ATPAF1: variants seen among roughly 807,000 people sequenced by gnomAD.
The protein encoded by ATPAF1 is ATP synthase mitochondrial F1 complex assembly factor 1.
In ATPAF1, 26 loss-of-function variants were observed where a neutral mutation model predicts 43.9. The ratio of observed to expected loss-of-function variants is 0.59; its 90% CI spans 0.43 to 0.82. ATPAF1 has a LOEUF of 0.82. Among genes scored for constraint, ATPAF1 ranks in the 40% least tolerant of loss-of-function variants. The pLI, the probability that ATPAF1 is intolerant of heterozygous loss-of-function variation, is 0.00. For synonymous variants in ATPAF1, 157 were observed against 168.0 expected, an observed-to-expected ratio of 0.93 and a Z score of 0.50; for missense variants, 366 against 435.0, an observed-to-expected ratio of 0.84 and a Z score of 1.41.
At chr1:46,650,012 T>TAAATA (rs1676133989) in intron 6 of ATPAF1, among the ~76,000 whole-genome samples, 1 of 152,154 alleles carries the variant, frequency 6.6e-6, no homozygotes, top group Non-Finnish European at 1.5e-5. Context: ...TTAGGTATTC[T>TAAATA]CTGTTTTCAG....
chr1:46,650,836 T>C (rs988525667), intron 6 of ATPAF1, among the ~76,000 whole-genome samples: 3 of 150,240 alleles, frequency 2.0e-5, no homozygotes, highest in Non-Finnish European at 4.4e-5. Flanking sequence ...CCTGATCTCA[T>C]AGAAGGAGAG....
chr1:46,634,756 C>T (rs1044907165), downstream of ATPAF1: 4 of 152,552 alleles, frequency 2.6e-5, no homozygotes, highest in Non-Finnish European at 4.4e-5. Flanking sequence ...ACACTACAAA[C>T]GAAAGATGGG....
chr1:46,644,634 A>AT (rs1676006086), intron 7 of ATPAF1, among the ~76,000 whole-genome samples: 1 of 152,186 alleles, frequency 6.6e-6, no homozygotes, highest in Non-Finnish European at 1.5e-5. Flanking sequence ...ATTGACTTTT[A>AT]TTTTAAAAGT....
intron 6 of ATPAF1, among the ~76,000 whole-genome samples, chr1:46,651,219 G>A (rs926634576): frequency 5.3e-5 from 8 of 150,624 alleles, no homozygotes; most frequent in African/African-American, 1.7e-4. Context: ...CTCATTGTTC[G>A]ATTCCCACCT....
downstream of ATPAF1, chr1:46,633,946 C>A: frequency 2.4e-6 from 1 of 415,326 alleles, no homozygotes; most frequent in South Asian, 1.7e-5. Flanking sequence ...AATGGCAGGG[C>A]AGATAAGACT....
At chr1:46,662,224 C>T (rs1676403597) in intron 2 of ATPAF1, among the ~76,000 whole-genome samples, 1 of 151,940 alleles carries the variant, frequency 6.6e-6, no homozygotes, top group Non-Finnish European at 1.5e-5. Flanking sequence ...GTCTGTTTAC[C>T]AAAAAGGGGC....
At position 46,665,870 on chromosome 1, in the gene ATPAF1, C is replaced by T. The variant is rs766226162; in HGVS notation, c.267-506G>A. On this transcript the variant is annotated intron_variant, in intron 1 of 8. Transcript: ENST00000574428. ...ATTTAGCATCTGAGTATCTCCCTAA[C>T]CTACCCTCCAAAGAAGCTGCTCTTG... 3.3e-4 allele frequency: 463 copies of T among 1,408,990 alleles called. 1 individual carries two copies. The highest frequency in any genetic ancestry group is 6.8e-4 in the Admixed American group (22 of 32,146). The allele number at this position is 1,408,990 out of a possible 1,614,324, so 87.3% of individuals were successfully genotyped here.
chr1:46,636,671 A>G (rs1459665910), intron 8 of ATPAF1, among the ~76,000 whole-genome samples: 1 of 151,534 alleles, frequency 6.6e-6, no homozygotes, highest in Non-Finnish European at 1.5e-5. Context: ...AGTCCCAGCT[A>G]CTCAGGAGGC....
At chr1:46,668,463 A>T (rs1481611304), upstream of ATPAF1, 225 of 941,470 alleles carry the variant, frequency 2.4e-4, no homozygotes, top group Non-Finnish European at 2.9e-4. This position sits in a 1 kb window ranked among gnomAD's most constrained non-coding sequence, Gnocchi z 4.4. Context: ...GGCGCGGGAT[A>T]GCGGCGAGGC....
chr1:46,633,487 C>T (rs75557334), downstream of ATPAF1: 2,118 of 326,332 alleles, frequency 6.5e-3, 45 homozygotes, highest in African/African-American at 0.044. Context: ...AATAGCAACA[C>T]TAACATATGA....
upstream of ATPAF1, chr1:46,668,407 C>G: frequency 1.7e-6 from 2 of 1,181,572 alleles, no homozygotes; most frequent in Non-Finnish European, 2.1e-6. This position sits in a 1 kb window ranked among gnomAD's most constrained non-coding sequence, Gnocchi z 4.4. Flanking sequence ...TCCGAGTGCG[C>G]CGCGCCCGCG....
At chr1:46,660,489 T>C (rs1676367605) in intron 2 of ATPAF1, among the ~76,000 whole-genome samples, 1 of 152,238 alleles carries the variant, frequency 6.6e-6, no homozygotes, top group African/African-American at 2.4e-5. Context: ...TATTGCATTT[T>C]ATCAAATCTA....
chr1:46,638,813 A>G (rs1252203999), intron 8 of ATPAF1, among the ~76,000 whole-genome samples: 1 of 152,008 alleles, frequency 6.6e-6, no homozygotes, highest in African/African-American at 2.4e-5. Context: ...TCCAAGACCC[A>G]ATAAGATAAA....
chr1:46,636,071 C>T (rs1177019811), intron 8 of ATPAF1, 101 bp from the exon 9 acceptor site: 4 of 1,360,282 alleles, frequency 2.9e-6, no homozygotes, highest in Admixed American at 1.7e-5. Flanking sequence ...GGAGTCACCA[C>T]TTCCAGAAAG....
At chr1:46,658,238 A>AG in intron 3 of ATPAF1, 49 bp from the exon 4 acceptor site, 4 of 1,415,284 alleles carry the variant, frequency 2.8e-6, no homozygotes, top group Non-Finnish European at 3.9e-6. Context: ...AAAAAAAAAA[A>AG]AAACAGCTTA....
downstream of ATPAF1, chr1:46,633,987 C>T: frequency 2.6e-6 from 1 of 378,166 alleles, no homozygotes; most frequent in Non-Finnish European, 5.1e-6. Flanking sequence ...CTGCCAGGAC[C>T]AGAAGCAGGT....
intron 7 of ATPAF1, among the ~76,000 whole-genome samples, chr1:46,644,156 A>T (rs1767601): frequency 0.87 from 132,652 of 152,016 alleles, 59,754 homozygotes; most frequent in Non-Finnish European, 0.99. Context: ...CTTTCTCCTA[A>T]AGCTGAATAT....
intron 2 of ATPAF1, among the ~76,000 whole-genome samples, chr1:46,661,972 G>GC (rs1484505542): frequency 3.3e-5 from 5 of 149,560 alleles, no homozygotes; most frequent in Non-Finnish European, 5.9e-5. Context: ...TCCGCTCACT[G>GC]CAGGCTCCGC....
chr1:46,644,663 A>G (rs1676006560), intron 7 of ATPAF1, among the ~76,000 whole-genome samples: 1 of 152,122 alleles, frequency 6.6e-6, no homozygotes, highest in Non-Finnish European at 1.5e-5. Context: ...TTTTGAATCT[A>G]ACTTTTAAAT....
Sources: allele counts gnomAD v4.1 joint callset (sites outside exome capture counted in the v4.1 genomes callset), GRCh38; gene constraint gnomAD v4.1.1; non-coding constraint Gnocchi (gnomAD v3.1); transcripts MANE v1.5; gene names NCBI Gene and HGNC (gene_info 2026-07-23, HGNC 2026-07-21).